The following SPON1 variants were observed in gnomAD, a reference collection of about 807,000 sequenced individuals.
SPON1 encodes spondin-1.
A neutral mutation model predicts 111.7 loss-of-function variants in SPON1; 52 were observed. The ratio of observed to expected loss-of-function variants is 0.47; its 90% confidence interval spans 0.37 to 0.59. The LOEUF is 0.59. SPON1 is among the 20% of genes least tolerant of loss of function. SPON1 has a pLI of 0.00. For synonymous variants in SPON1, 410 were observed against 395.8 expected (o/e 1.04, Z -0.43); for missense variants, 957 against 1,068.5 (o/e 0.90, Z 1.46).
chr11:14,157,833 T>C (rs1245576921), intron 6 of SPON1, among the ~76,000 whole-genome samples: 4 of 152,146 alleles, frequency 2.6e-5, no homozygotes, highest in African/African-American at 9.6e-5. Context: ...TTATTAATAT[T>C]AGTTCTAGAA....
intron 5 of SPON1, among the ~76,000 whole-genome samples, chr11:14,119,593 G>A (rs1371208811): frequency 6.6e-6 from 1 of 152,212 alleles, no homozygotes; most frequent in Non-Finnish European, 1.5e-5. Context: ...ACTGCTGCCT[G>A]CCATAGTTGT....
At chr11:14,213,582 G>T (rs59075970) in intron 6 of SPON1, among the ~76,000 whole-genome samples, 1 of 152,076 alleles carries the variant, frequency 6.6e-6, no homozygotes. Context: ...TATTTATTGA[G>T]CACTTTCTAT....
chr11:14,103,556 C>T (rs1849161982), intron 5 of SPON1, among the ~76,000 whole-genome samples: 1 of 152,214 alleles, frequency 6.6e-6, no homozygotes, highest in Admixed American at 6.5e-5. Context: ...GAGGATTCAT[C>T]ACTCCATCTA....
At chr11:14,226,251 C>G (rs1156631288) in intron 6 of SPON1, among the ~76,000 whole-genome samples, 1 of 152,210 alleles carries the variant, frequency 6.6e-6, no homozygotes, top group African/African-American at 2.4e-5. Context: ...ACACTGCTCC[C>G]TTCTAATGAC....
chr11:13,999,325 T>C lies in SPON1; in HGVS notation c.345+16372T>C, dbSNP rs142689828. 1.8e-3 allele frequency among the ~76,000 whole-genome samples: 277 copies of C among 152,230 alleles called. 3 individuals are homozygous for C. The highest frequency in any genetic ancestry group is 6.3e-3 in the African/African-American group (262 of 41,544). Reference sequence around the variant, plus strand: ...AAAATCCCTACCCCTTTGGACATTATACTTCTATATTTTAGATCATTTCCA... The same window carrying C: ...AAAATCCCTACCCCTTTGGACATTACACTTCTATATTTTAGATCATTTCCA... On this transcript the variant is annotated intron_variant, in intron 2 of 15. Coordinates refer to ENST00000576479, the MANE Select transcript of SPON1 (RefSeq NM_006108.4).
chr11:14,092,924 G>A (rs1849070689), intron 5 of SPON1, among the ~76,000 whole-genome samples: 1 of 152,142 alleles, frequency 6.6e-6, no homozygotes, highest in South Asian at 2.1e-4. Flanking sequence ...TTCCTCTGTA[G>A]GCTATTAGGA....
At chr11:14,048,965 G>A (rs1362305074) in intron 3 of SPON1, among the ~76,000 whole-genome samples, 1 of 152,182 alleles carries the variant, frequency 6.6e-6, no homozygotes, top group Non-Finnish European at 1.5e-5. Flanking sequence ...GGAAACAGTG[G>A]TTGGTAAAAG....
At chr11:14,161,011 T>TATC (rs1847942030) in intron 6 of SPON1, among the ~76,000 whole-genome samples, 1 of 35,124 alleles carries the variant, frequency 2.8e-5, no homozygotes. Context: ...ATTTATATAT[T>TATC]TATATATCTA....
intron 2 of SPON1, among the ~76,000 whole-genome samples, chr11:13,986,522 C>T (rs1554910372): frequency 6.6e-6 from 1 of 151,594 alleles, no homozygotes. Flanking sequence ...CAAATACTCT[C>T]TTCTTGCTAC....
At chr11:14,247,681 G>C (rs1849007993) in intron 7 of SPON1, among the ~76,000 whole-genome samples, 1 of 152,164 alleles carries the variant, frequency 6.6e-6, no homozygotes, top group Non-Finnish European at 1.5e-5. Flanking sequence ...TGGAGAAAGA[G>C]CAGTCAAGAT....
intron 5 of SPON1, among the ~76,000 whole-genome samples, chr11:14,104,612 T>C (rs1338907211): frequency 6.6e-6 from 1 of 152,154 alleles, no homozygotes; most frequent in Admixed American, 6.5e-5. Context: ...AATCTGCTTT[T>C]ATTCTAACAA....
Position 14,265,807 on chromosome 11 carries a change from C to T in SPON1, c.*120C>T, listed in dbSNP as rs34053416. On this transcript the variant is annotated 3_prime_UTR_variant, in exon 16 of 16. Coordinates refer to ENST00000576479, the MANE Select transcript of SPON1 (RefSeq NM_006108.4). ...TAGTTTTCATTTTTGCAGTGTGGTT[C>T]GCCCAGTAGTCTTGTGGATGCCAGA... 6,025 of 1,184,612 alleles carry T rather than the reference C, an allele frequency of 5.1e-3. 17 individuals are homozygous for T. The highest frequency in any genetic ancestry group is 6.5e-3 in the Non-Finnish European group (5,490 of 849,378). 73.4% of individuals were successfully genotyped at this position (1,184,612 alleles called of 1,614,324 possible).
At chr11:14,060,549 T>C (rs1246213896) in intron 3 of SPON1, among the ~76,000 whole-genome samples, 3 of 152,154 alleles carry the variant, frequency 2.0e-5, no homozygotes, top group African/African-American at 7.2e-5. Context: ...TTAAACGAGA[T>C]AACCAGGGAT....
chr11:14,225,899 G>T (rs4514376), intron 6 of SPON1, among the ~76,000 whole-genome samples: 1 of 152,160 alleles, frequency 6.6e-6, no homozygotes, highest in Non-Finnish European at 1.5e-5. Context: ...GCACTTTCTT[G>T]CTGGGCCTAA....
At chr11:14,144,070 AAAC>A (rs1554929056) in intron 6 of SPON1, among the ~76,000 whole-genome samples, 1 of 152,182 alleles carries the variant, frequency 6.6e-6, no homozygotes, top group Non-Finnish European at 1.5e-5. Flanking sequence ...TACATTTGAA[AAAC>A]AATAACAAGA....
chr11:14,024,116 G>C (rs1014902387), intron 2 of SPON1, among the ~76,000 whole-genome samples: 6 of 152,148 alleles, frequency 3.9e-5, no homozygotes, highest in Non-Finnish European at 7.4e-5. Flanking sequence ...AACCCCTAAA[G>C]GGAGAATGCA....
At chr11:14,139,444 T>G (rs1289944360) in intron 6 of SPON1, among the ~76,000 whole-genome samples, 1 of 152,222 alleles carries the variant, frequency 6.6e-6, no homozygotes, top group Non-Finnish European at 1.5e-5. Flanking sequence ...TCTCCCTCAC[T>G]AAACAACAAG....
intron 6 of SPON1, among the ~76,000 whole-genome samples, chr11:14,210,155 A>T (rs1310751108): frequency 6.6e-6 from 1 of 152,064 alleles, no homozygotes; most frequent in Non-Finnish European, 1.5e-5. Context: ...TAGATTCTGG[A>T]TATTAGACCT....
intron 6 of SPON1, among the ~76,000 whole-genome samples, chr11:14,232,359 G>T (rs781985321): frequency 6.6e-6 from 1 of 152,146 alleles, no homozygotes; most frequent in Non-Finnish European, 1.5e-5. Flanking sequence ...TCTCCAGCAC[G>T]TGGAATAGGC....
Sources: gnomAD v4.1 joint callset for allele counts (sites outside exome capture counted in the v4.1 genomes callset) on GRCh38, gnomAD v4.1.1 for gene constraint, MANE v1.5 for transcripts, NCBI Gene and HGNC (gene_info 2026-07-23, HGNC 2026-07-21) for gene names.